Variants in DCC observed in about 807,000 individuals in gnomAD.
The protein encoded by DCC is netrin receptor DCC.
A neutral mutation model predicts 172.5 loss-of-function variants in DCC; 58 were observed. The observed-to-expected ratio is 0.34, with a 90% confidence interval of 0.27 to 0.42. The LOEUF (loss-of-function observed/expected upper bound fraction) is 0.42. Among genes scored for constraint, DCC ranks in the 10% least tolerant of loss-of-function variants. The pLI is 1.00. For synonymous variants in DCC, 709 were observed against 644.5 expected (o/e 1.10, Z -1.52); for missense variants, 1,740 against 1,791.0 (o/e 0.97, Z 0.51).
chr18:53,213,647 C>CAAAAAAAAAA (rs34284373), intron 11 of DCC, among the ~76,000 whole-genome samples: 1 of 35,350 alleles, frequency 2.8e-5, no homozygotes, highest in African/African-American at 6.0e-5. Context: ...GACTCCGTCT[C>CAAAAAAAAAA]AAAAAAAAAA....
chr18:53,153,625 A>T (rs2054679987), intron 7 of DCC, among the ~76,000 whole-genome samples: 1 of 152,224 alleles, frequency 6.6e-6, no homozygotes, highest in Non-Finnish European at 1.5e-5. Context: ...TTATTATTTT[A>T]AAGATTTAAA....
intron 5 of DCC, among the ~76,000 whole-genome samples, chr18:52,960,095 T>G (rs145925992): frequency 6.6e-6 from 1 of 152,088 alleles, no homozygotes; most frequent in African/African-American, 2.4e-5. Context: ...CACGCATGCA[T>G]GCACACACGC....
chr18:52,494,701 A>T (rs1598862501), intron 1 of DCC, among the ~76,000 whole-genome samples: 2 of 152,136 alleles, frequency 1.3e-5, no homozygotes, highest in South Asian at 4.1e-4. Context: ...TGATGAAATT[A>T]TTCATTCTTT....
At chr18:52,885,727 G>A (rs192800221) in intron 2 of DCC, among the ~76,000 whole-genome samples, 46 of 152,194 alleles carry the variant, frequency 3.0e-4, no homozygotes, top group African/African-American at 1.1e-3. Context: ...TCAAACAGAA[G>A]GAGTCTTTCA....
intron 1 of DCC, among the ~76,000 whole-genome samples, chr18:52,551,985 T>G (rs1181649215): frequency 6.6e-6 from 1 of 151,934 alleles, no homozygotes; most frequent in Non-Finnish European, 1.5e-5. Context: ...TTGATGCATG[T>G]AAGAGAAACA....
intron 1 of DCC, among the ~76,000 whole-genome samples, chr18:52,520,707 T>C (rs2031785157): frequency 6.6e-6 from 1 of 151,268 alleles, no homozygotes; most frequent in Non-Finnish European, 1.5e-5. Flanking sequence ...GACAAGGTTT[T>C]TTTTAAGAAT....
At chr18:53,524,862 C>T (rs571523738) in intron 27 of DCC, among the ~76,000 whole-genome samples, 2 of 152,078 alleles carry the variant, frequency 1.3e-5, no homozygotes, top group South Asian at 4.1e-4. Flanking sequence ...AATGTGCGAA[C>T]TTAGGCAAGT....
At chr18:52,692,978 G>C (rs2035952805) in intron 1 of DCC, among the ~76,000 whole-genome samples, 1 of 152,136 alleles carries the variant, frequency 6.6e-6, no homozygotes, top group African/African-American at 2.4e-5. Context: ...GAAGCCAGGA[G>C]AGTTTGCCAC....
chr18:53,179,071 C>T lies in DCC; in HGVS notation c.1528C>T (p.Pro510Ser). 6.2e-7 allele frequency: 1 copy of T among 1,613,942 alleles called. No homozygotes were observed. Among genetic ancestry groups the T allele is most frequent in the Non-Finnish European group, 8.5e-7 (1 of 1,179,898 alleles). ...FRVVAYNEWG[P>S]GESSQPIKVA... ...AGTTGTGGCTTACAATGAATGGGGA[C>T]CGGGAGAGAGTTCTCAACCCATCAA... The change falls in exon 9 of 29, where the codon CCG (proline) becomes TCG (serine). Residue 510 changes from proline to serine, a missense_variant. Physicochemically the swap from Pro to Ser is moderately conservative, Grantham distance 74. This residue lies in a region of DCC where 1,732 missense variants were observed against 1,767.4 expected (regional missense o/e 0.98). Coordinates refer to ENST00000442544, the MANE Select transcript of DCC (RefSeq NM_005215.4).
At chr18:52,602,528 A>G (rs935498093) in intron 1 of DCC, among the ~76,000 whole-genome samples, 1 of 152,042 alleles carries the variant, frequency 6.6e-6, no homozygotes, top group Non-Finnish European at 1.5e-5. Context: ...TCTACCCGTC[A>G]AAAATAACTC....
At chr18:52,548,953 T>A (rs1352800640) in intron 1 of DCC, among the ~76,000 whole-genome samples, 1 of 152,134 alleles carries the variant, frequency 6.6e-6, no homozygotes, top group Non-Finnish European at 1.5e-5. Context: ...TATACTTGGA[T>A]CTAAATATCC....
intron 1 of DCC, among the ~76,000 whole-genome samples, chr18:52,416,921 T>C (rs979938037): frequency 5.3e-5 from 8 of 152,112 alleles, no homozygotes; most frequent in African/African-American, 1.7e-4. Flanking sequence ...CATTATGATG[T>C]TAGCTGGTTA....
chr18:52,951,276 T>C (rs1379952923), intron 5 of DCC, among the ~76,000 whole-genome samples: 2 of 152,188 alleles, frequency 1.3e-5, no homozygotes, highest in Non-Finnish European at 2.9e-5. Context: ...TACAAATCTT[T>C]TTTTTTAACT....
intron 1 of DCC, among the ~76,000 whole-genome samples, chr18:52,617,264 G>A (rs2034400772): frequency 6.6e-6 from 1 of 152,090 alleles, no homozygotes; most frequent in Admixed American, 6.6e-5. Context: ...AAACTTAAAA[G>A]GCAGGGGGAT....
chr18:52,664,476 C>CTTTTTTTT (rs374796439), intron 1 of DCC, among the ~76,000 whole-genome samples: 28 of 112,428 alleles, frequency 2.5e-4, no homozygotes, highest in South Asian at 5.9e-4. Context: ...TTTTCTTTTT[C>CTTTTTTTT]TTTTTTTTTT....
intron 1 of DCC, among the ~76,000 whole-genome samples, chr18:52,530,153 T>A (rs1324181268): frequency 6.6e-6 from 1 of 152,248 alleles, no homozygotes; most frequent in African/African-American, 2.4e-5. Flanking sequence ...AATATTTTCA[T>A]GTGAATTGCT....
At chr18:52,841,483 C>A (rs368301111) in intron 2 of DCC, among the ~76,000 whole-genome samples, 1 of 152,130 alleles carries the variant, frequency 6.6e-6, no homozygotes, top group Non-Finnish European at 1.5e-5. Context: ...TTGGCTCCTG[C>A]TTTTAGATAA....
At chr18:52,655,025 T>G (rs2035218466) in intron 1 of DCC, among the ~76,000 whole-genome samples, 1 of 152,230 alleles carries the variant, frequency 6.6e-6, no homozygotes, top group Non-Finnish European at 1.5e-5. Flanking sequence ...CTGAAGTGTT[T>G]CCAAAGGTGA....
intron 3 of DCC, among the ~76,000 whole-genome samples, chr18:52,916,591 A>G (rs1451109004): frequency 6.6e-6 from 1 of 152,210 alleles, no homozygotes; most frequent in Non-Finnish European, 1.5e-5. Context: ...TGGGTAAAAG[A>G]TCTATTCAAA....
Sources: allele counts gnomAD v4.1 joint callset (sites outside exome capture counted in the v4.1 genomes callset), GRCh38; gene constraint gnomAD v4.1.1; regional missense constraint gnomAD v4.1.1; transcripts MANE v1.5; gene names NCBI Gene and HGNC (gene_info 2026-07-23, HGNC 2026-07-21).